Variants in IRX2 observed in about 807,000 individuals in gnomAD.
The protein encoded by IRX2 is iroquois homeobox 2, also known as iroquois-class homeodomain protein IRX-2.
A neutral mutation model predicts 42.9 loss-of-function variants in IRX2; 26 were observed. The observed-to-expected ratio is 0.61, with a 90% CI of 0.44 to 0.84. The LOEUF (loss-of-function observed/expected upper bound fraction) is 0.84. Ranked by LOEUF, IRX2 falls within the 40% of genes least tolerant of loss-of-function variation. The probability of loss-of-function intolerance (pLI) is 0.00; values close to 1 mark genes in which losing one functional copy is unlikely to be tolerated. For missense variants in IRX2, 782 were observed against 713.9 expected (o/e 1.10, Z -1.09); for synonymous variants, 424 against 353.9 (o/e 1.20, Z -2.22).
chr5:2,751,463 G>T lies in IRX2; in HGVS notation c.-50C>A. 1 of 1,116,008 alleles carries T rather than the reference G, an allele frequency of 9.0e-7. No individual in the cohort carries two copies. The allele number at this position is 1,116,008 out of a possible 1,614,324, so 69.1% of individuals were successfully genotyped here. On this transcript the variant is annotated 5_prime_UTR_variant, in exon 1 of 4. Transcript: ENST00000302057. This position sits in a 1 kb window ranked among gnomAD's most constrained non-coding sequence, Gnocchi z 4.0. ...CGTCACGCCGAGCAGCGGGCAGGGC[G>T]CGCGGCGCCCTCCATCCACGCCCGG... is the stretch of plus-strand genomic sequence containing the variant.
Position 2,748,976 on chromosome 5 carries a change from G to A in IRX2, c.732C>T (p.Arg244=). The change falls in exon 3 of 4, where the codon CGC becomes CGT. Residue 244 remains arginine, a synonymous_variant. Coordinates refer to ENST00000302057, the MANE Select transcript of IRX2 (RefSeq NM_033267.5). ...CCGATTCGCACAGGGGGTCCCCGGCGCGGCACGGAAGCTTCTCCCCGTCCG... is the reference window on the plus strand; with the variant it reads ...CCGATTCGCACAGGGGGTCCCCGGCACGGCACGGAAGCTTCTCCCCGTCCG... ...AESDGEKLPC[R]AGDPLCESGS... is the part of the protein sequence containing the mutation. 2 of 1,597,202 alleles carry A rather than the reference G, an allele frequency of 1.3e-6. No individual in the cohort carries two copies. The highest frequency in any genetic ancestry group is 1.7e-6 in the Non-Finnish European group (2 of 1,179,426).
At chr5:2,745,435 T>G (rs1737637322), downstream of IRX2, among the ~76,000 whole-genome samples, 1 of 152,204 alleles carries the variant, frequency 6.6e-6, no homozygotes, top group Admixed American at 6.5e-5. Context: ...AGTGACAGGC[T>G]TGCTACTTTT....
intron 2 of IRX2, 151 bp from the exon 3 acceptor site, chr5:2,749,203 C>T: frequency 6.9e-7 from 1 of 1,452,416 alleles, no homozygotes; most frequent in South Asian, 1.4e-5. Context: ...CCTGACCTCC[C>T]CGGGAAGGGC....
rs1037518847 is a variant in IRX2 at position 2,749,797 on chromosome 5, A to G, written c.250-10T>C. 6.3e-7 allele frequency: 1 copy of G among 1,590,302 alleles called. No homozygotes were observed. The highest frequency in any genetic ancestry group is 1.3e-5 in the African/African-American group (1 of 74,544). ...CGTCGTAGGGTGCGCCCTGGAACCA[A>G]CAAGAGCCTGTGAGTGGAGTATGCG... On this transcript the variant is annotated splice_polypyrimidine_tract_variant and intron_variant, in intron 1 of 3. Transcript: ENST00000302057.
In IRX2 at chr5:2,750,651, C is replaced by T. The variant is rs183616107; in HGVS notation, c.249+514G>A. 4.8e-4 allele frequency among the ~76,000 whole-genome samples: 73 copies of T among 152,374 alleles called. 1 individual carries two copies. Among genetic ancestry groups the T allele is most frequent in the African/African-American group, 1.5e-3 (64 of 41,602 alleles). ...AACCTGGGCGCCTCGGGCCGGACTC[C>T]GGAGCCGCAGCTGAATGCTCGGCTC... On this transcript the variant is annotated intron_variant, in intron 1 of 3. Coordinates refer to ENST00000302057, the MANE Select transcript of IRX2 (RefSeq NM_033267.5).
chr5:2,749,434 G>A lies in IRX2; in HGVS notation c.603C>T (p.Asp201=). Residue 201 remains aspartate (D), a synonymous_variant, in exon 2 of 4, where the codon GAC becomes GAT. Transcript: ENST00000302057. ...CCTCCTGCGCCTTGTCGGGACTCTC[G>A]TCCTTGCTTCTGGTAGCGTCGCCCT... ...EDEGDATRSK[D]ESPDKAQEGT... is the part of the protein sequence containing the mutation. 1.2e-6 allele frequency: 2 copies of A among 1,614,098 alleles called. No individual in the cohort carries two copies. Among genetic ancestry groups the A allele is most frequent in the Middle Eastern group, 1.6e-4 (1 of 6,062 alleles).
rs765714472 is a variant in IRX2 at position 2,748,478 on chromosome 5, G to T, written c.1230C>A (p.Tyr410Ter). The T allele has an allele frequency of 6.3e-7, 1 of 1,578,262 alleles. No individual in the cohort carries two copies. Among genetic ancestry groups the T allele is most frequent in the Non-Finnish European group, 8.6e-7 (1 of 1,164,570 alleles). Residue 410 changes from tyrosine to a stop codon, truncating the protein, a stop_gained, in exon 3 of 4, where the codon TAC (tyrosine) becomes TAA (stop). Coordinates refer to ENST00000302057, the MANE Select transcript of IRX2 (RefSeq NM_033267.5). LOFTEE classifies it high-confidence loss of function. ...AALQGQGLLR[Y>*]NSAAAAPGEA... is the part of the protein sequence containing the mutation. ...CGCCGGGGGCCGCGGCCGCAGAGTT[G>T]TACCGCAGGAGACCCTGGCCCTGCA...
At position 2,748,953 on chromosome 5, in the gene IRX2, G is replaced by T; in HGVS notation, c.755C>A (p.Ser252Ter). The change falls in exon 3 of 4, where the codon TCG becomes TAG. Residue 252 changes from serine to a stop codon, truncating the protein, a stop_gained. Transcript: ENST00000302057. LOFTEE classifies it high-confidence loss of function. ...PCRAGDPLCE[S>*]GSECKDKYDD... Reference sequence around the variant, plus strand: ...ATACTTGTCCTTGCACTCCGAGCCCGATTCGCACAGGGGGTCCCCGGCGCG... The same window carrying T: ...ATACTTGTCCTTGCACTCCGAGCCCTATTCGCACAGGGGGTCCCCGGCGCG... The T allele has an allele frequency of 6.3e-7, 1 of 1,596,838 alleles. No individual in the cohort carries two copies. Among genetic ancestry groups the T allele is most frequent in the Non-Finnish European group, 8.5e-7 (1 of 1,179,376 alleles).
Position 2,748,462 on chromosome 5 carries a change from C to A in IRX2, c.1246G>T (p.Ala416Ser), listed in dbSNP as rs773758165. 9 of 1,570,906 alleles carry A rather than the reference C, an allele frequency of 5.7e-6. No individual in the cohort carries two copies. In the South Asian group the frequency reaches 1.0e-4, roughly 18 times the overall value. ...GCGGTGTGCAGGGCCTCGCCGGGGG[C>A]CGCGGCCGCAGAGTTGTACCGCAGG... ...GLLRYNSAAAAPGEALHTAPK... is the reference protein window; with the variant it reads ...GLLRYNSAAASPGEALHTAPK... Residue 416 changes from alanine (A) to serine (S), a missense_variant, in exon 3 of 4, where the codon GCC (alanine) becomes TCC (serine). Around this residue, in one of 3 missense-constraint regions of IRX2, gnomAD observed 520 missense variants for 437.8 expected, o/e 1.19. Coordinates refer to ENST00000302057, the MANE Select transcript of IRX2 (RefSeq NM_033267.5).
chr5:2,736,895 G>A, the IRX2 span: 5 of 152,184 alleles, frequency 3.3e-5, no homozygotes, highest in Admixed American at 2.6e-4. Flanking sequence ...ATTTGAAAAC[G>A]TATTTTCCAA....
intron 2 of IRX2, 84 bp downstream of exon 2, chr5:2,749,298 G>A (rs911958207): frequency 6.0e-6 from 9 of 1,507,842 alleles, no homozygotes; most frequent in Non-Finnish European, 7.9e-6. Flanking sequence ...GGTGTCCGGC[G>A]GGCAACGTCC....
chr5:2,741,975 T>C (rs1211355680), downstream of IRX2, among the ~76,000 whole-genome samples: 1 of 152,246 alleles, frequency 6.6e-6, no homozygotes, highest in Non-Finnish European at 1.5e-5. Context: ...TTCTTCATTG[T>C]ATTAGCAATA....
In IRX2 at chr5:2,748,982, C is replaced by A. The variant is rs1163495134; in HGVS notation, c.726G>T (p.Pro242=). The A allele has an allele frequency of 6.3e-7, 1 of 1,597,458 alleles. No individual in the cohort carries two copies. The highest frequency in any genetic ancestry group is 8.5e-7 in the Non-Finnish European group (1 of 1,179,500). Residue 242 remains proline (P), a synonymous_variant, in exon 3 of 4, where the codon CCG becomes CCT. Coordinates refer to ENST00000302057, the MANE Select transcript of IRX2 (RefSeq NM_033267.5). ...CSAESDGEKL[P]CRAGDPLCES... ...CGCACAGGGGGTCCCCGGCGCGGCA[C>A]GGAAGCTTCTCCCCGTCCGACTCGG...
the IRX2 span, among the ~76,000 whole-genome samples, chr5:2,736,466 A>T: frequency 6.6e-6 from 1 of 152,264 alleles, no homozygotes; most frequent in Non-Finnish European, 1.5e-5. Flanking sequence ...TTAAATTTTA[A>T]TAGAAAGCTT....
At chr5:2,743,070 C>T (rs1245726640), downstream of IRX2, among the ~76,000 whole-genome samples, 1 of 152,192 alleles carries the variant, frequency 6.6e-6, no homozygotes, top group African/African-American at 2.4e-5. Context: ...CTCAGGGGAA[C>T]CCCGAGCCCT....
chr5:2,743,178 C>T (rs1737579609), downstream of IRX2, among the ~76,000 whole-genome samples: 1 of 152,212 alleles, frequency 6.6e-6, no homozygotes, highest in African/African-American at 2.4e-5. Flanking sequence ...GAGCCCAGGC[C>T]CAAGGCTGCC....
Position 2,747,490 on chromosome 5 carries a change from T to C in IRX2, c.*74A>G, listed in dbSNP as rs1300355753. On this transcript the variant is annotated 3_prime_UTR_variant, in exon 4 of 4. Transcript: ENST00000302057. ...AGCAAGAAAAACACATTAAGCAAGT[T>C]GGTGCTGGGAGGCTCCACAGGGTCT... The C allele has an allele frequency of 7.8e-7, 1 of 1,289,304 alleles. No homozygotes were observed. Among genetic ancestry groups the C allele is most frequent in the East Asian group, 2.3e-5 (1 of 42,710 alleles). 79.9% of individuals were successfully genotyped at this position (1,289,304 alleles called of 1,614,324 possible).
Position 2,748,454 on chromosome 5 carries a change from G to C in IRX2, c.1254C>G (p.Gly418=), listed in dbSNP as rs1737765504. 1.3e-6 allele frequency: 2 copies of C among 1,568,730 alleles called. No homozygotes were observed. Among genetic ancestry groups the C allele is most frequent in the Non-Finnish European group, 8.6e-7 (1 of 1,161,518 alleles). Residue 418 remains glycine, a synonymous_variant, in exon 3 of 4, where the codon GGC becomes GGG. Transcript: ENST00000302057. ...LRYNSAAAAP[G]EALHTAPKAA... Reference sequence around the variant, plus strand: ...CCTTTGGCGCGGTGTGCAGGGCCTCGCCGGGGGCCGCGGCCGCAGAGTTGT... The same window carrying C: ...CCTTTGGCGCGGTGTGCAGGGCCTCCCCGGGGGCCGCGGCCGCAGAGTTGT...
In IRX2 at chr5:2,748,502, C is replaced by A; in HGVS notation, c.1206G>T (p.Leu402=). 1.9e-6 allele frequency: 3 copies of A among 1,582,154 alleles called. No homozygotes were observed. Among genetic ancestry groups the A allele is most frequent in the Non-Finnish European group, 2.6e-6 (3 of 1,165,558 alleles). The part of the protein sequence containing the change: ...YTNYGNLNAA[L]QGQGLLRYNS... Reference sequence around the variant, plus strand: ...TGTACCGCAGGAGACCCTGGCCCTGCAGCGCCGCGTTCAAGTTCCCGTAGT... The same window carrying A: ...TGTACCGCAGGAGACCCTGGCCCTGAAGCGCCGCGTTCAAGTTCCCGTAGT... Residue 402 remains leucine (L), a synonymous_variant, in exon 3 of 4, where the codon CTG becomes CTT. Coordinates refer to ENST00000302057, the MANE Select transcript of IRX2 (RefSeq NM_033267.5).
Sources: allele counts gnomAD v4.1 joint callset (sites outside exome capture counted in the v4.1 genomes callset), GRCh38; gene constraint gnomAD v4.1.1; regional missense constraint gnomAD v4.1.1; non-coding constraint Gnocchi (gnomAD v3.1); transcripts MANE v1.5; gene names NCBI Gene and HGNC (gene_info 2026-07-23, HGNC 2026-07-21).